Variants in UNC5D observed in about 807,000 individuals in gnomAD.
UNC5D encodes unc-5 netrin receptor D, also known as netrin receptor UNC5D.
A neutral mutation model predicts 105.4 loss-of-function variants in UNC5D; 39 were observed. The ratio of observed to expected loss-of-function variants is 0.37; its 90% CI spans 0.29 to 0.48. The LOEUF is 0.48. Among genes scored for constraint, UNC5D ranks in the 20% least tolerant of loss-of-function variants. The probability of loss-of-function intolerance (pLI) is 0.98; values close to 1 mark genes in which losing one functional copy is unlikely to be tolerated. For missense variants in UNC5D, 991 were observed against 1,202.4 expected (o/e 0.82, Z 2.60); for synonymous variants, 452 against 450.4 (o/e 1.00, Z -0.04).
In UNC5D at chr8:35,722,219, A is replaced by C; in HGVS notation, c.1127A>C (p.Asn376Thr). The C allele has an allele frequency of 3.7e-6, 6 of 1,613,504 alleles. No individual in the cohort carries two copies. In the East Asian group the frequency reaches 1.3e-4, roughly 36 times the overall value. ...LHEIKPQSIE[N>T]ASDIALYSGL... ...CTCTTGTGTCTTTCAGGCATTGAGA[A>C]TGCCAGCGACATTGCTTTGTACTCG... Residue 376 changes from asparagine to threonine, a missense_variant, in exon 9 of 17, where the codon AAT becomes ACT. Physicochemically the swap from Asn to Thr is moderately conservative, Grantham distance 65. Around this residue, in one of 3 missense-constraint regions of UNC5D, gnomAD observed 944 missense variants for 1,131.6 expected, o/e 0.83. Coordinates refer to ENST00000404895, the MANE Select transcript of UNC5D (RefSeq NM_080872.4).
chr8:35,790,605 A>G lies in UNC5D; in HGVS notation c.*42A>G, dbSNP rs776885135. 6.2e-7 allele frequency: 1 copy of G among 1,608,288 alleles called. No individual in the cohort carries two copies. Among genetic ancestry groups the G allele is most frequent in the East Asian group, 2.2e-5 (1 of 44,720 alleles). ...AGACAGAGTGATGGCCAGCTTGGGGACATTTGCTTTAAATGGGAAAGAGGC... is the reference window on the plus strand; with the variant it reads ...AGACAGAGTGATGGCCAGCTTGGGGGCATTTGCTTTAAATGGGAAAGAGGC... On this transcript the variant is annotated 3_prime_UTR_variant, in exon 17 of 17. Transcript: ENST00000404895.
At chr8:35,383,517 A>G (rs925017125) in intron 1 of UNC5D, among the ~76,000 whole-genome samples, 1 of 152,182 alleles carries the variant, frequency 6.6e-6, no homozygotes, top group Admixed American at 6.5e-5. Context: ...TCCAGGTAAA[A>G]CGATCTTTCA....
At chr8:35,518,036 T>A (rs1174795379) in intron 1 of UNC5D, among the ~76,000 whole-genome samples, 2 of 152,084 alleles carry the variant, frequency 1.3e-5, no homozygotes, top group African/African-American at 4.8e-5. Context: ...TCAACATGAA[T>A]TTTGGGGGGG....
At chr8:35,366,664 G>A (rs1392829107) in intron 1 of UNC5D, among the ~76,000 whole-genome samples, 2 of 151,988 alleles carry the variant, frequency 1.3e-5, no homozygotes, top group Non-Finnish European at 2.9e-5. Context: ...CTAAGTGAAT[G>A]ATTCATCTGT....
rs1029547730 is a variant in UNC5D, at chr8:35,399,145, CA to C, written c.104-150124del. Among the ~76,000 whole-genome samples the C allele has an allele frequency of 5.7e-3, 314 of 54,688 alleles. 1 individual carries two copies. The highest frequency in any genetic ancestry group is 0.015 in the African/African-American group (206 of 14,190). The allele number at this position is 54,688 out of a possible 152,430, so 35.9% of individuals were successfully genotyped here. On this transcript the variant is annotated intron_variant, in intron 1 of 16. Transcript: ENST00000404895. ...GGGTGACCTAGTGAGACTCCATCTC[CA>C]AAAAAAAAAAAAAAAAAAAAAAGTC...
chr8:35,684,824 A>ACC, intron 6 of UNC5D, 75 bp downstream of exon 6: 1 of 1,468,230 alleles, frequency 6.8e-7, no homozygotes, highest in Non-Finnish European at 9.1e-7. Flanking sequence ...AATCAATGTT[A>ACC]CCTTCTTTTC....
At chr8:35,454,870 A>T (rs1808382740) in intron 1 of UNC5D, among the ~76,000 whole-genome samples, 1 of 152,140 alleles carries the variant, frequency 6.6e-6, no homozygotes, top group South Asian at 2.1e-4. Flanking sequence ...ACGGGTGAGG[A>T]ATTGTCATAT....
intron 1 of UNC5D, among the ~76,000 whole-genome samples, chr8:35,530,687 TG>T (rs1814287338): frequency 1.2e-5 from 1 of 86,394 alleles, no homozygotes; most frequent in African/African-American, 6.7e-5. Context: ...GGACTCTTTT[TG>T]GTTGGTAAAC....
Position 35,271,057 on chromosome 8 carries a change from G to A in UNC5D, c.103+35170G>A, listed in dbSNP as rs1466800439. 4.0e-5 allele frequency among the ~76,000 whole-genome samples: 6 copies of A among 151,542 alleles called. No individual in the cohort carries two copies. The East Asian group carries it at 1.2e-3, about 30-fold the overall frequency. On this transcript the variant is annotated intron_variant, in intron 1 of 16. Transcript: ENST00000404895. ...TATACATGTCACAGTAATCATAACT[G>A]ATATTTTAAGAGAGATTAATGAATT...
intron 1 of UNC5D, among the ~76,000 whole-genome samples, chr8:35,418,320 G>A (rs989095904): frequency 6.6e-6 from 1 of 152,112 alleles, no homozygotes; most frequent in African/African-American, 2.4e-5. Flanking sequence ...CTGTTCCCTT[G>A]CGGATCTAGA....
At chr8:35,246,762 T>A (rs537058171) in intron 1 of UNC5D, among the ~76,000 whole-genome samples, 1 of 152,190 alleles carries the variant, frequency 6.6e-6, no homozygotes, top group South Asian at 2.1e-4. Context: ...ATTTAAAGAA[T>A]CAGGGAGCCA....
chr8:35,266,821 C>A (rs1804907838), intron 1 of UNC5D, among the ~76,000 whole-genome samples: 1 of 152,134 alleles, frequency 6.6e-6, no homozygotes, highest in Non-Finnish European at 1.5e-5. Flanking sequence ...TACACATGGC[C>A]TTTTTGTATA....
intron 11 of UNC5D, 49 bp from the exon 12 acceptor site, chr8:35,748,478 G>A: frequency 6.4e-7 from 1 of 1,561,366 alleles, no homozygotes; most frequent in South Asian, 1.2e-5. Flanking sequence ...TTCAAATATG[G>A]CCCCTCCTCT....
At chr8:35,525,352 C>T (rs1813789203) in intron 1 of UNC5D, 2 of 1,612,088 alleles carry the variant, frequency 1.2e-6, no homozygotes, top group Non-Finnish European at 8.5e-7. Context: ...ACAACTTCTT[C>T]CATGACTACG....
At position 35,684,563 on chromosome 8, in the gene UNC5D, C is replaced by T. The variant is rs201277891; in HGVS notation, c.752-19C>T. 1.2e-6 allele frequency: 2 copies of T among 1,603,402 alleles called. No individual in the cohort carries two copies. The highest frequency in any genetic ancestry group is 1.7e-5 in the Admixed American group (1 of 58,016). On this transcript the variant is annotated intron_variant, in intron 5 of 16. Transcript: ENST00000404895. The stretch of plus-strand genomic sequence containing the variant: ...AACCTCTCTCCTTTTTTTCTCCCCT[C>T]CCCATTTTTCTCTCTCAGTGAATGG...
At chr8:35,569,198 T>C (rs1206002359) in intron 3 of UNC5D, among the ~76,000 whole-genome samples, 1 of 152,212 alleles carries the variant, frequency 6.6e-6, no homozygotes, top group African/African-American at 2.4e-5. Context: ...AAACTTTTTT[T>C]CTCCTCCTTG....
intron 4 of UNC5D, among the ~76,000 whole-genome samples, chr8:35,665,510 T>G (rs1273826909): frequency 6.6e-6 from 1 of 152,194 alleles, no homozygotes. Flanking sequence ...TATCAGATTA[T>G]TTTAATTTAT....
At chr8:35,387,235 T>C (rs987131301) in intron 1 of UNC5D, among the ~76,000 whole-genome samples, 4 of 151,798 alleles carry the variant, frequency 2.6e-5, no homozygotes, top group South Asian at 2.1e-4. Flanking sequence ...TGGTGCTGTG[T>C]GCCTGTAGTC....
chr8:35,709,984 G>A (rs1827841891), intron 8 of UNC5D, among the ~76,000 whole-genome samples: 1 of 152,172 alleles, frequency 6.6e-6, no homozygotes, highest in African/African-American at 2.4e-5. Flanking sequence ...GTCACTGTAA[G>A]GACTTTGACT....
Sources: allele counts gnomAD v4.1 joint callset (sites outside exome capture counted in the v4.1 genomes callset), GRCh38; gene constraint gnomAD v4.1.1; regional missense constraint gnomAD v4.1.1; transcripts MANE v1.5; gene names NCBI Gene and HGNC (gene_info 2026-07-23, HGNC 2026-07-21).